Variants in GATAD1 observed in about 807,000 individuals in gnomAD.
GATAD1 encodes the protein GATA zinc finger domain-containing protein 1.
GATAD1 carries 12 observed loss-of-function variants against 26.5 expected under a neutral mutation model. The observed-to-expected ratio is 0.45, with a 90% CI of 0.29 to 0.73. The LOEUF (loss-of-function observed/expected upper bound fraction) is 0.73, where lower values mean the gene tolerates loss of function less well. Ranked by LOEUF, GATAD1 falls within the 30% of genes least tolerant of loss-of-function variation. GATAD1 has a pLI of 0.10. For synonymous variants in GATAD1, 129 were observed against 133.1 expected, an observed-to-expected ratio of 0.97 and a Z score of 0.21; for missense variants, 266 against 342.1, an observed-to-expected ratio of 0.78 and a Z score of 1.75.
chr7:92,466,760 A>C, the GATAD1 span, among the ~76,000 whole-genome samples: 1 of 152,306 alleles, frequency 6.6e-6, no homozygotes, highest in East Asian at 1.9e-4. Flanking sequence ...CACACAGTTC[A>C]TTCTAACTTT....
downstream of GATAD1, chr7:92,461,450 T>G (rs2115910240): frequency 6.6e-6 from 1 of 152,346 alleles, no homozygotes; most frequent in South Asian, 2.1e-4. Context: ...ATATCGCTCC[T>G]AGTGGTTCTG....
In GATAD1 at chr7:92,450,382, A is replaced by G. The variant is rs551894912; in HGVS notation, c.376-319A>G. The G allele has an allele frequency of 1.7e-5, 5 of 295,406 alleles. No individual in the cohort carries two copies. The Admixed American group carries it at 2.5e-4, about 15-fold the overall frequency. The allele number at this position is 295,406 out of a possible 1,614,324, so 18.3% of individuals were successfully genotyped here. ...ACTTGCATTCTGTCATGCTCAGGCT[A>G]TTAGAGCAGGTACATTTTTATAACT... On this transcript the variant is annotated intron_variant, in intron 2 of 4. Coordinates refer to ENST00000287957, the MANE Select transcript of GATAD1 (RefSeq NM_021167.5).
the GATAD1 span, chr7:92,493,805 C>A: frequency 1.1e-5 from 2 of 184,446 alleles, no homozygotes; most frequent in South Asian, 2.3e-4. Flanking sequence ...ATACTTTATA[C>A]CTTTGACTAT....
chr7:92,489,386 G>A, the GATAD1 span: 1 of 1,612,164 alleles, frequency 6.2e-7, no homozygotes, highest in Non-Finnish European at 8.5e-7. Flanking sequence ...AGCCAGTCTG[G>A]TTTTGATTGG....
the GATAD1 span, among the ~76,000 whole-genome samples, chr7:92,480,139 G>A: frequency 6.6e-6 from 1 of 152,178 alleles, no homozygotes; most frequent in African/African-American, 2.4e-5. Flanking sequence ...CCAAGAGCCT[G>A]AAAAACTGCT....
the GATAD1 span, among the ~76,000 whole-genome samples, chr7:92,486,471 C>CAAAG: frequency 6.6e-6 from 1 of 152,192 alleles, no homozygotes; most frequent in African/African-American, 2.4e-5. Context: ...GTGATTTCAT[C>CAAAG]AAAGAACTGA....
the GATAD1 span, chr7:92,487,393 C>G: frequency 1.2e-6 from 1 of 832,534 alleles, no homozygotes; most frequent in Non-Finnish European, 2.0e-6. Context: ...CATTTTTTTC[C>G]TGTTACAACA....
chr7:92,479,722 G>A, the GATAD1 span, among the ~76,000 whole-genome samples: 8 of 152,240 alleles, frequency 5.3e-5, no homozygotes, highest in South Asian at 1.0e-3. Flanking sequence ...GATTATGGGC[G>A]GCATGGGAAC....
At position 92,458,472 on chromosome 7, in the gene GATAD1, A is replaced by G. The variant is rs773865764; in HGVS notation, c.*1910A>G. Reference sequence around the variant, plus strand: ...ACCCATAATAAGAGGCCTGTTGTATATGAAATTGTCTAGAATTCAGGTGCA... The same window carrying G: ...ACCCATAATAAGAGGCCTGTTGTATGTGAAATTGTCTAGAATTCAGGTGCA... On this transcript the variant is annotated 3_prime_UTR_variant, in exon 5 of 5. Transcript: ENST00000287957. The G allele has an allele frequency of 6.6e-6, 1 of 152,222 alleles. No individual in the cohort carries two copies. The highest frequency in any genetic ancestry group is 1.5e-5 in the Non-Finnish European group (1 of 68,034). 9.4% of individuals were successfully genotyped at this position (152,222 alleles called of 1,614,324 possible). A position where few individuals can be genotyped will look rare whatever the true frequency, so the allele number is the denominator to read the frequency against.
chr7:92,471,677 T>C, the GATAD1 span: 1 of 151,766 alleles, frequency 6.6e-6, no homozygotes, highest in Admixed American at 6.5e-5. Context: ...GGCAGTTCTC[T>C]TCTATTTCCC....
the GATAD1 span, chr7:92,494,331 G>A: frequency 1.5e-5 from 25 of 1,613,700 alleles, no homozygotes; most frequent in Non-Finnish European, 1.9e-5. Context: ...TTATCTAGTC[G>A]ACCAGGCCTA....
the GATAD1 span, chr7:92,491,335 C>G: frequency 1.2e-6 from 2 of 1,614,000 alleles, no homozygotes; most frequent in Non-Finnish European, 8.5e-7. Flanking sequence ...AGAGCCGGTA[C>G]ATATTGAATT....
the GATAD1 span, among the ~76,000 whole-genome samples, chr7:92,475,988 T>G: frequency 6.6e-6 from 1 of 152,218 alleles, no homozygotes; most frequent in African/African-American, 2.4e-5. Context: ...TAACTCTGCT[T>G]CCACAAGAGT....
At chr7:92,469,310 T>C in the GATAD1 span, 5 of 764,512 alleles carry the variant, frequency 6.5e-6, no homozygotes, top group Admixed American at 3.4e-5. Context: ...ACCCGTTCCA[T>C]GTCCCCATTT....
chr7:92,480,432 T>C, the GATAD1 span, among the ~76,000 whole-genome samples: 3 of 152,158 alleles, frequency 2.0e-5, no homozygotes, highest in Admixed American at 6.5e-5. Context: ...GAACAATCCC[T>C]GAGGGGTAGT....
chr7:92,462,377 AAAAC>A (rs1299778831), downstream of GATAD1, among the ~76,000 whole-genome samples: 14 of 151,900 alleles, frequency 9.2e-5, no homozygotes, highest in Admixed American at 7.2e-4. Context: ...GTAAAAAAAA[AAAAC>A]AAAAACACAC....
chr7:92,492,795 T>A, the GATAD1 span, among the ~76,000 whole-genome samples: 1 of 152,224 alleles, frequency 6.6e-6, no homozygotes, highest in African/African-American at 2.4e-5. Context: ...GCAAAACCCA[T>A]ATTCCAACTA....
At chr7:92,494,551 T>A in the GATAD1 span, 1 of 1,613,928 alleles carries the variant, frequency 6.2e-7, no homozygotes, top group Non-Finnish European at 8.5e-7. Flanking sequence ...CTGTAACTCC[T>A]GTATTATCAT....
chr7:92,493,160 AAAAAT>A, the GATAD1 span: 2 of 1,252,004 alleles, frequency 1.6e-6, no homozygotes, highest in Non-Finnish European at 2.3e-6. Context: ...TTAACAAATA[AAAAAT>A]AAAATTAAAA....
Sources: gnomAD v4.1 joint callset for allele counts (sites outside exome capture counted in the v4.1 genomes callset) on GRCh38, gnomAD v4.1.1 for gene constraint, MANE v1.5 for transcripts, NCBI Gene and HGNC (gene_info 2026-07-23, HGNC 2026-07-21) for gene names.